The following ARSL variants were observed in gnomAD, a reference collection of about 807,000 sequenced individuals.
ARSL encodes arylsulfatase L.
Under a neutral mutation model 31.1 loss-of-function variants are expected in ARSL, and 4 were observed. The ratio of observed to expected loss-of-function variants is 0.13; its 90% CI spans 0.06 to 0.29. The LOEUF is 0.29. ARSL is among the 10% of genes least tolerant of loss of function. The probability of loss-of-function intolerance (pLI) is 1.00; values close to 1 mark genes in which losing one functional copy is unlikely to be tolerated. For missense variants in ARSL, 312 were observed against 497.8 expected (o/e 0.63, Z 3.55); for synonymous variants, 198 against 209.9 (o/e 0.94, Z 0.49).
At chrX:2,937,939 C>T (rs916397684) in intron 9 of ARSL, among the ~76,000 whole-genome samples, 156 bp downstream of exon 9, 6 of 112,159 alleles carry the variant, frequency 5.3e-5, no homozygotes, top group Admixed American at 2.8e-4. Flanking sequence ...ATTTGCATCT[C>T]GTTATTGGGC....
intron 3 of ARSL, among the ~76,000 whole-genome samples, chrX:2,957,708 CAA>C (rs761423845): frequency 2.0e-4 from 11 of 53,958 alleles, no homozygotes; most frequent in Admixed American, 7.5e-4. Context: ...GATTCTGTCT[CAA>C]AAAAAAAAAA....
chrX:2,946,508 T>A (rs1182912821), intron 6 of ARSL, among the ~76,000 whole-genome samples: 1 of 76,575 alleles, frequency 1.3e-5, no homozygotes, highest in Non-Finnish European at 2.5e-5. Context: ...CCAGCTAATT[T>A]TTTTTTTTTT....
intron 5 of ARSL, among the ~76,000 whole-genome samples, chrX:2,952,036 A>G (rs926152627): frequency 7.2e-5 from 8 of 111,255 alleles, no homozygotes; most frequent in African/African-American, 2.6e-4. Context: ...ATAACACAAT[A>G]ATGATAATGG....
Position 2,955,409 on chromosome X carries a change from G to A in ARSL, c.307+7C>T. ...GCACCCTAGTGCAGTTGTAAAGAGA[G>A]ACTGACCTGATCGCACAGGGTATCT... On this transcript the variant is annotated splice_region_variant and intron_variant, in intron 4 of 10. Transcript: ENST00000381134. The A allele has an allele frequency of 8.3e-7, 1 of 1,211,890 alleles. No individual in the cohort carries two copies. Among genetic ancestry groups the A allele is most frequent in the East Asian group, 3.0e-5 (1 of 33,863 alleles).
chrX:2,955,651 T>C, intron 3 of ARSL, 114 bp from the exon 4 acceptor site: 2 of 902,666 alleles, frequency 2.2e-6, no homozygotes, highest in South Asian at 4.3e-5. Flanking sequence ...TGCTTCAAGA[T>C]GTTCTCAGGA....
At chrX:2,953,787 T>C (rs2089491364) in intron 4 of ARSL, among the ~76,000 whole-genome samples, 1 of 110,683 alleles carries the variant, frequency 9.0e-6, no homozygotes, top group South Asian at 3.9e-4. Context: ...GGCATGACTA[T>C]AGATCACTGC....
chrX:2,937,882 C>T (rs1262104706), intron 9 of ARSL, among the ~76,000 whole-genome samples: 1 of 111,983 alleles, frequency 8.9e-6, no homozygotes, highest in African/African-American at 3.2e-5. Flanking sequence ...TTCCAGCCTT[C>T]TCCCCGTATC....
chrX:2,965,549 A>G (rs372581429), upstream of ARSL, among the ~76,000 whole-genome samples: 123 of 105,008 alleles, frequency 1.2e-3, no homozygotes, highest in African/African-American at 4.0e-3. Flanking sequence ...AAGAAAAAAA[A>G]TAAGCAAAAA....
rs200062390 is a variant in ARSL, at chrX:2,960,373, C to G, written c.23+5G>C. On this transcript the variant is annotated splice_donor_5th_base_variant and intron_variant, in intron 2 of 10. Coordinates refer to ENST00000381134, the MANE Select transcript of ARSL (RefSeq NM_000047.3). The stretch of plus-strand genomic sequence containing the variant: ...TACTAATGAGTGCATATAATTGTAT[C>G]TTACCAAGAATGGTGCAGATGTAAC... 9.5e-4 allele frequency: 1,083 copies of G among 1,141,287 alleles called. 1 individual carries two copies. The highest frequency in any genetic ancestry group is 1.2e-3 in the Non-Finnish European group (971 of 844,041). 94.1% of individuals were successfully genotyped at this position (1,141,287 alleles called of 1,213,427 possible). A position where few individuals can be genotyped will look rare whatever the true frequency, so the allele number is the denominator to read the frequency against.
At chrX:2,951,371 C>T (rs1170313128) in intron 5 of ARSL, among the ~76,000 whole-genome samples, 1 of 110,944 alleles carries the variant, frequency 9.0e-6, no homozygotes. Context: ...CATGTAGCCA[C>T]TACTATGGTG....
Position 2,937,326 on chromosome X carries a change from G to A in ARSL, c.1290-463C>T, listed in dbSNP as rs146722115. On this transcript the variant is annotated intron_variant, in intron 9 of 10. Coordinates refer to ENST00000381134, the MANE Select transcript of ARSL (RefSeq NM_000047.3). ...GGAGGATCGCTTGAACCCAGGAGGC[G>A]GAGGTTGCAGTGAGCCTAGATCGCA... Among the ~76,000 whole-genome samples the A allele has an allele frequency of 6.6e-3, 717 of 108,319 alleles. 6 individuals are homozygous for A. Among genetic ancestry groups the A allele is most frequent in the African/African-American group, 0.022 (657 of 29,619 alleles). 94.1% of individuals were successfully genotyped at this position (108,319 alleles called of 115,157 possible).
chrX:2,964,248 A>G lies in ARSL; in HGVS notation c.-45T>C, dbSNP rs1326640091. The G allele has an allele frequency of 1.3e-6, 1 of 752,444 alleles. No individual in the cohort carries two copies. Among genetic ancestry groups the G allele is most frequent in the Non-Finnish European group, 1.6e-6 (1 of 639,084 alleles). The allele number at this position is 752,444 out of a possible 1,213,427, so 62.0% of individuals were successfully genotyped here. A position where few individuals can be genotyped will look rare whatever the true frequency, so the allele number is the denominator to read the frequency against. On this transcript the variant is annotated 5_prime_UTR_variant, in exon 1 of 11. Coordinates refer to ENST00000381134, the MANE Select transcript of ARSL (RefSeq NM_000047.3). ...CCTCTGCTCCTGGGCTCCTTCCTGA[A>G]TCCCCGATCAAGAAGAGGAAGGTTC...
intron 7 of ARSL, among the ~76,000 whole-genome samples, chrX:2,943,414 C>T (rs1435425151): frequency 9.0e-6 from 1 of 110,670 alleles, no homozygotes; most frequent in East Asian, 2.8e-4. Flanking sequence ...GAATTTTAGG[C>T]AACGTACAAG....
intron 1 of ARSL, 187 bp from the exon 2 acceptor site, chrX:2,960,607 G>C (rs2089613177): frequency 2.3e-6 from 1 of 435,006 alleles, no homozygotes; most frequent in East Asian, 4.0e-5. Context: ...CTTCAAAAAT[G>C]TTTAATACTA....
chrX:2,960,320 GAGAAAGAAAGAA>G lies in ARSL; in HGVS notation c.23+46_23+57del. 2.4e-5 allele frequency: 13 copies of G among 550,103 alleles called. No homozygotes were observed. The South Asian group carries it at 3.5e-4, about 15-fold the overall frequency. 45.3% of individuals were successfully genotyped at this position (550,103 alleles called of 1,213,427 possible). A position where few individuals can be genotyped will look rare whatever the true frequency, so the allele number is the denominator to read the frequency against. ...GAAGAGAAAGAAGGGAAGGAAGGAA[GAGAAAGAAAGAA>G]AGAAAGAAAGGAGACTACTAATGAG... On this transcript the variant is annotated intron_variant, in intron 2 of 10. Coordinates refer to ENST00000381134, the MANE Select transcript of ARSL (RefSeq NM_000047.3).
chrX:2,952,071 T>C (rs957526674), intron 5 of ARSL, among the ~76,000 whole-genome samples: 1 of 110,886 alleles, frequency 9.0e-6, no homozygotes, highest in Non-Finnish European at 1.9e-5. Flanking sequence ...CTCAAGGAAC[T>C]GTTGTCATTA....
intron 2 of ARSL, among the ~76,000 whole-genome samples, chrX:2,958,991 A>G (rs1048470431): frequency 5.4e-5 from 6 of 112,088 alleles, no homozygotes; most frequent in Admixed American, 9.5e-5. Context: ...TACAACAGCA[A>G]CAAGAAAAAG....
upstream of ARSL, among the ~76,000 whole-genome samples, chrX:2,965,167 A>G (rs907176592): frequency 8.9e-6 from 1 of 112,071 alleles, no homozygotes; most frequent in Non-Finnish European, 1.9e-5. Context: ...ATAAAAATAA[A>G]AAAGAAAACA....
At chrX:2,950,850 C>T in intron 5 of ARSL, among the ~76,000 whole-genome samples, 1 of 111,160 alleles carries the variant, frequency 9.0e-6, no homozygotes, top group South Asian at 3.9e-4. Context: ...CACACACATA[C>T]TCTCTCCAGA....
Sources: gnomAD v4.1 joint callset for allele counts (sites outside exome capture counted in the v4.1 genomes callset) on GRCh38, gnomAD v4.1.1 for gene constraint, MANE v1.5 for transcripts, NCBI Gene and HGNC (gene_info 2026-07-23, HGNC 2026-07-21) for gene names.